Variants in PHLDB2 observed in about 807,000 individuals in gnomAD.
PHLDB2 encodes the protein pleckstrin homology like domain family B member 2, also known as pleckstrin homology-like domain family B member 2.
Under a neutral mutation model 123.6 loss-of-function variants are expected in PHLDB2, and 71 were observed. The ratio of observed to expected loss-of-function variants is 0.57; its 90% CI spans 0.47 to 0.70. PHLDB2 has a LOEUF of 0.70. Ranked by LOEUF, PHLDB2 falls within the 30% of genes least tolerant of loss-of-function variation. PHLDB2 has a pLI of 0.00. For synonymous variants in PHLDB2, 547 were observed against 541.6 expected (o/e 1.01, Z -0.14); for missense variants, 1,446 against 1,519.5 (o/e 0.95, Z 0.80).
At chr3:111,898,388 G>T (rs2066996783) in intron 2 of PHLDB2, among the ~76,000 whole-genome samples, 1 of 151,982 alleles carries the variant, frequency 6.6e-6, no homozygotes. Flanking sequence ...TCACCATGTT[G>T]GCCAGGCTCG....
chr3:111,932,904 A>G (rs758729698), intron 6 of PHLDB2, among the ~76,000 whole-genome samples: 4 of 152,202 alleles, frequency 2.6e-5, no homozygotes, highest in Non-Finnish European at 5.9e-5. Context: ...CAATCCCAAC[A>G]ATTAAACACC....
intron 5 of PHLDB2, among the ~76,000 whole-genome samples, chr3:111,924,657 A>G (rs1030499898): frequency 6.6e-6 from 1 of 152,262 alleles, no homozygotes; most frequent in African/African-American, 2.4e-5. Context: ...GTGGTCAGAT[A>G]TAAACCATGG....
At chr3:111,745,840 A>G (rs1398396484) in intron 1 of PHLDB2, among the ~76,000 whole-genome samples, 4 of 152,150 alleles carry the variant, frequency 2.6e-5, no homozygotes, top group Non-Finnish European at 5.9e-5. Flanking sequence ...AGAGGAAAAG[A>G]AAAGAAAATT....
Position 111,940,598 on chromosome 3 carries a change from G to C in PHLDB2, c.2350G>C (p.Asp784His). ...HIVQQAQREQ[D>H]HFVKEKNNLI... ...TGTTCAGCAGGCTCAGAGAGAGCAA[G>C]ATCATTTTGTGAAAGAAAAGAATAA... The change falls in exon 8 of 18, where the codon GAT (aspartate) becomes CAT (histidine). Residue 784 changes from aspartate to histidine, a missense_variant. Physicochemically the swap from Asp to His is moderately conservative, Grantham distance 81. This residue lies in a region of PHLDB2 where 594 missense variants were observed against 646.0 expected (regional missense o/e 0.92). Coordinates refer to ENST00000431670, the MANE Select transcript of PHLDB2 (RefSeq NM_001134438.2). 1 of 1,605,644 alleles carries C rather than the reference G, an allele frequency of 6.2e-7. No individual in the cohort carries two copies. The highest frequency in any genetic ancestry group is 8.5e-7 in the Non-Finnish European group (1 of 1,176,366).
chr3:111,966,053 G>C (rs999118232), intron 13 of PHLDB2, among the ~76,000 whole-genome samples: 1 of 152,190 alleles, frequency 6.6e-6, no homozygotes, highest in African/African-American at 2.4e-5. Flanking sequence ...GAGAAGTCAT[G>C]TTTTAATTGG....
In PHLDB2 at chr3:111,967,669, A is replaced by G. The variant is rs1198765213; in HGVS notation, c.3169-9A>G. 1 of 1,599,384 alleles carries G rather than the reference A, an allele frequency of 6.3e-7. No individual in the cohort carries two copies. The highest frequency in any genetic ancestry group is 1.8e-5 in the Admixed American group (1 of 56,628). On this transcript the variant is annotated splice_polypyrimidine_tract_variant and intron_variant, in intron 14 of 17. Coordinates refer to ENST00000431670, the MANE Select transcript of PHLDB2 (RefSeq NM_001134438.2). ...TTTTAAAATAATCATTGTTATGCAT[A>G]ATGTTTAGGAACGGGAAATGGAAGC... is the stretch of plus-strand genomic sequence containing the variant.
intron 12 of PHLDB2, chr3:111,957,530 C>T (rs1334069871): frequency 6.6e-6 from 1 of 152,152 alleles, no homozygotes; most frequent in Admixed American, 6.5e-5. Flanking sequence ...GCTGTGGAAG[C>T]ATTGTTTTGT....
In PHLDB2 at chr3:111,932,315, AG is replaced by A; in HGVS notation, c.2050del (p.Glu684SerfsTer17). On this transcript the variant is annotated frameshift_variant, in exon 6 of 18. Transcript: ENST00000431670. LOFTEE classifies it high-confidence loss of function. ...GAAAGGGAAAAACTAGAGAGGCTTC[AG>A]GAGCTTTACTCCGAGCAGAAGACCC... ...DAEREKLERLQELYSEQKTQL... is the reference protein window; with the variant it reads ...DAEREKLERLXELYSEQKTQL... The A allele has an allele frequency of 6.4e-7, 1 of 1,551,652 alleles. No homozygotes were observed. The highest frequency in any genetic ancestry group is 8.7e-7 in the Non-Finnish European group (1 of 1,146,808).
At chr3:111,953,542 A>C (rs915401056) in intron 11 of PHLDB2, among the ~76,000 whole-genome samples, 1 of 152,198 alleles carries the variant, frequency 6.6e-6, no homozygotes, top group South Asian at 2.1e-4. Context: ...ATAAATAAAA[A>C]TGGGTGCATT....
chr3:111,892,253 G>A (rs554996651), intron 2 of PHLDB2, among the ~76,000 whole-genome samples: 5 of 152,080 alleles, frequency 3.3e-5, no homozygotes, highest in Admixed American at 6.6e-5. Context: ...GTAGTTATGC[G>A]AATAGGTGAA....
At chr3:111,834,206 T>C (rs1463690622) in intron 1 of PHLDB2, among the ~76,000 whole-genome samples, 1 of 47,346 alleles carries the variant, frequency 2.1e-5, no homozygotes, top group African/African-American at 6.7e-5. Context: ...TAGAATTATA[T>C]ATGTAATAGA....
chr3:111,824,917 AT>A (rs777167957), intron 1 of PHLDB2, among the ~76,000 whole-genome samples: 1 of 152,196 alleles, frequency 6.6e-6, no homozygotes, highest in Non-Finnish European at 1.5e-5. Flanking sequence ...TTCTTGAAAA[AT>A]GTGGAAAAAT....
intron 1 of PHLDB2, among the ~76,000 whole-genome samples, chr3:111,813,084 G>A (rs1005861634): frequency 1.3e-5 from 2 of 152,204 alleles, no homozygotes; most frequent in Non-Finnish European, 2.9e-5. Flanking sequence ...GTAGTTTGTA[G>A]CATGTTTAAC....
At chr3:111,793,936 A>G (rs1271769016) in intron 1 of PHLDB2, among the ~76,000 whole-genome samples, 1 of 151,196 alleles carries the variant, frequency 6.6e-6, no homozygotes, top group African/African-American at 2.4e-5. Flanking sequence ...CTCAAGCAGA[A>G]GAAAGGAATC....
intron 1 of PHLDB2, among the ~76,000 whole-genome samples, chr3:111,844,104 C>T (rs1011257552): frequency 6.6e-6 from 1 of 152,186 alleles, no homozygotes; most frequent in African/African-American, 2.4e-5. Flanking sequence ...ACCAACACTC[C>T]AGCTGGATTC....
intron 13 of PHLDB2, 58 bp from the exon 14 acceptor site, chr3:111,966,555 T>C: frequency 1.8e-6 from 2 of 1,138,386 alleles, no homozygotes; most frequent in East Asian, 2.4e-5. Flanking sequence ...TGTGTATGTA[T>C]TAGAGAGACT....
Position 111,765,890 on chromosome 3 carries a change from G to GCA in PHLDB2, c.-49+33200_-49+33201dup, listed in dbSNP as rs573281180. Among the ~76,000 whole-genome samples the GCA allele has an allele frequency of 8.1e-3, 907 of 111,300 alleles. 4 individuals carry two copies. The highest frequency in any genetic ancestry group is 0.033 in the African/African-American group (819 of 24,954). The allele number at this position is 111,300 out of a possible 152,430, so 73.0% of individuals were successfully genotyped here. A position where few individuals can be genotyped will look rare whatever the true frequency, so the allele number is the denominator to read the frequency against. On this transcript the variant is annotated intron_variant, in intron 1 of 17. Transcript: ENST00000393923. Reference sequence around the variant, plus strand: ...ATTGTTGCCATTTCTTCTTTTATATGCACACACACACACATACACATACAC... The same window carrying GCA: ...ATTGTTGCCATTTCTTCTTTTATATGCACACACACACACACATACACATACAC...
chr3:111,815,060 C>A (rs2062013082), intron 1 of PHLDB2, among the ~76,000 whole-genome samples: 1 of 152,170 alleles, frequency 6.6e-6, no homozygotes, highest in South Asian at 2.1e-4. Flanking sequence ...TATGCACAAG[C>A]TCTCTCTTTG....
intron 1 of PHLDB2, among the ~76,000 whole-genome samples, chr3:111,808,258 G>A (rs1449792948): frequency 6.6e-6 from 1 of 152,134 alleles, no homozygotes; most frequent in Admixed American, 6.5e-5. Context: ...ATCTTAGAAA[G>A]AGACAAACCA....
Sources: gnomAD v4.1 joint callset for allele counts (sites outside exome capture counted in the v4.1 genomes callset) on GRCh38, gnomAD v4.1.1 for gene constraint, gnomAD v4.1.1 regional missense constraint, MANE v1.5 for transcripts, NCBI Gene and HGNC (gene_info 2026-07-23, HGNC 2026-07-21) for gene names.